Variants in PTPRR observed in about 807,000 individuals in gnomAD.
PTPRR encodes the protein protein tyrosine phosphatase receptor type R, also known as receptor-type tyrosine-protein phosphatase R.
A neutral mutation model predicts 77.2 loss-of-function variants in PTPRR; 38 were observed. That is an observed-to-expected ratio of 0.49 (90% CI 0.38 to 0.65). The LOEUF is 0.65. Ranked by LOEUF, PTPRR falls within the 30% of genes least tolerant of loss-of-function variation. The probability of loss-of-function intolerance (pLI) is 0.00; values close to 1 mark genes in which losing one functional copy is unlikely to be tolerated. For synonymous variants in PTPRR, 299 were observed against 283.1 expected, an observed-to-expected ratio of 1.06 and a Z score of -0.57; for missense variants, 744 against 799.2, an observed-to-expected ratio of 0.93 and a Z score of 0.83.
intron 1 of PTPRR, among the ~76,000 whole-genome samples, chr12:70,896,162 T>G (rs4760771): frequency 2.0e-5 from 3 of 151,310 alleles, no homozygotes; most frequent in Non-Finnish European, 3.0e-5. Flanking sequence ...GGACATATGA[T>G]GCAATGTACA....
chr12:70,776,516 A>G (rs1011142874), intron 2 of PTPRR, among the ~76,000 whole-genome samples: 1 of 152,088 alleles, frequency 6.6e-6, no homozygotes, highest in African/African-American at 2.4e-5. Context: ...GAATGATCTT[A>G]ACTCCTCCAT....
chr12:70,647,244 CTGTTT>C (rs2136646814), intron 13 of PTPRR, among the ~76,000 whole-genome samples: 1 of 152,276 alleles, frequency 6.6e-6, no homozygotes, highest in East Asian at 1.9e-4. Flanking sequence ...TTCCCAGGTT[CTGTTT>C]TAAAATTCTT....
At chr12:70,673,796 C>T (rs1382874018) in intron 10 of PTPRR, among the ~76,000 whole-genome samples, 4 of 152,114 alleles carry the variant, frequency 2.6e-5, no homozygotes, top group Non-Finnish European at 4.4e-5. Flanking sequence ...TGAAGTTGTT[C>T]ATAGTGTCCT....
chr12:70,661,077 A>G lies in PTPRR; in HGVS notation c.1629T>C (p.His543=), dbSNP rs769627241. 41 of 1,611,670 alleles carry G rather than the reference A, an allele frequency of 2.5e-5. No homozygotes were observed. Among genetic ancestry groups the G allele is most frequent in the Admixed American group, 1.8e-4 (11 of 59,806 alleles). ...ATGAGGTGTACCAGTAATGCTTCAC[A>G]TGTTGGGTGTGGCTTCCTTGCTGAA... ...LVLKQGSHTQ[H]VKHYWYTSWP... is the part of the protein sequence containing the mutation. The change falls in exon 12 of 14, where the codon CAT becomes CAC. Residue 543 remains histidine (H), a synonymous_variant. Coordinates refer to ENST00000283228, the MANE Select transcript of PTPRR (RefSeq NM_002849.4).
intron 13 of PTPRR, among the ~76,000 whole-genome samples, chr12:70,649,380 TAAG>T (rs1386264462): frequency 6.6e-6 from 1 of 152,188 alleles, no homozygotes; most frequent in Non-Finnish European, 1.5e-5. Flanking sequence ...GGGTAGATTA[TAAG>T]AATAAGATGC....
At chr12:70,764,594 G>A in intron 3 of PTPRR, 71 bp downstream of exon 3, 2 of 1,239,506 alleles carry the variant, frequency 1.6e-6, no homozygotes, top group Non-Finnish European at 2.4e-6. Context: ...ACTATAGCAT[G>A]AGCCCTTTAG....
At chr12:70,916,796 T>C (rs1376140495) in intron 1 of PTPRR, among the ~76,000 whole-genome samples, 1 of 152,214 alleles carries the variant, frequency 6.6e-6, no homozygotes, top group Non-Finnish European at 1.5e-5. Flanking sequence ...AAATTGACTA[T>C]GCACTTCTCT....
chr12:70,660,398 A>T (rs1886754653), intron 12 of PTPRR, among the ~76,000 whole-genome samples: 1 of 152,078 alleles, frequency 6.6e-6, no homozygotes, highest in Non-Finnish European at 1.5e-5. Flanking sequence ...TGGTAACAGC[A>T]CTTTGTTTTC....
intron 2 of PTPRR, among the ~76,000 whole-genome samples, chr12:70,803,373 C>G (rs1159077378): frequency 6.6e-6 from 1 of 152,180 alleles, no homozygotes; most frequent in Admixed American, 6.5e-5. Context: ...AAGAAGCACT[C>G]TTTGGGTTTG....
intron 2 of PTPRR, among the ~76,000 whole-genome samples, chr12:70,878,187 T>G (rs892567949): frequency 6.6e-6 from 1 of 152,174 alleles, no homozygotes; most frequent in East Asian, 1.9e-4. Flanking sequence ...GACATAGGCA[T>G]GAGCAAGGAC....
At chr12:70,792,334 A>G (rs1239156064) in intron 2 of PTPRR, among the ~76,000 whole-genome samples, 4 of 152,200 alleles carry the variant, frequency 2.6e-5, no homozygotes, top group African/African-American at 9.6e-5. Flanking sequence ...AATGACAACT[A>G]ATAAATGGCA....
intron 8 of PTPRR, among the ~76,000 whole-genome samples, chr12:70,697,595 T>A (rs1460715003): frequency 6.6e-6 from 1 of 152,190 alleles, no homozygotes. Context: ...TGCTGCTGTT[T>A]GTGCTTTTGT....
chr12:70,754,459 A>G, intron 4 of PTPRR, 158 bp from the exon 5 acceptor site: 1 of 1,563,962 alleles, frequency 6.4e-7, no homozygotes, highest in Non-Finnish European at 8.6e-7. Context: ...CTGATCTAAG[A>G]CAACAGACTG....
At chr12:70,825,124 A>G (rs949646951) in intron 2 of PTPRR, among the ~76,000 whole-genome samples, 4 of 152,008 alleles carry the variant, frequency 2.6e-5, no homozygotes, top group Admixed American at 6.6e-5. Flanking sequence ...CTGTACTAAA[A>G]ATACAAAAAT....
intron 10 of PTPRR, among the ~76,000 whole-genome samples, chr12:70,680,804 G>A (rs765852258): frequency 4.6e-5 from 7 of 152,140 alleles, no homozygotes; most frequent in East Asian, 3.8e-4. Context: ...TGGTATATGC[G>A]GACAGGTCTG....
intron 1 of PTPRR, among the ~76,000 whole-genome samples, chr12:70,895,312 A>G (rs1024282197): frequency 6.6e-6 from 1 of 151,804 alleles, no homozygotes; most frequent in Middle Eastern, 3.4e-3. Flanking sequence ...AATATCTTCA[A>G]TCTTTCTTTT....
At chr12:70,891,857 T>C (rs902910602) in intron 2 of PTPRR, among the ~76,000 whole-genome samples, 4 of 152,108 alleles carry the variant, frequency 2.6e-5, no homozygotes, top group Non-Finnish European at 5.9e-5. Flanking sequence ...TTCATTGAAT[T>C]ATCTTGGCCA....
chr12:70,658,915 T>TTTTTA (rs1886689458), intron 12 of PTPRR, among the ~76,000 whole-genome samples: 1 of 124,652 alleles, frequency 8.0e-6, no homozygotes, highest in Non-Finnish European at 1.6e-5. Flanking sequence ...TTTTTTTTTT[T>TTTTTA]ATAAGACAGA....
intron 7 of PTPRR, 28 bp from the exon 8 acceptor site, chr12:70,698,377 T>A (rs1472824373): frequency 1.3e-6 from 2 of 1,577,942 alleles, no homozygotes; most frequent in Non-Finnish European, 1.7e-6. Flanking sequence ...ATCAAATTAG[T>A]GTATCTAATA....
Sources: gnomAD v4.1 joint callset for allele counts (sites outside exome capture counted in the v4.1 genomes callset) on GRCh38, gnomAD v4.1.1 for gene constraint, MANE v1.5 for transcripts, NCBI Gene and HGNC (gene_info 2026-07-23, HGNC 2026-07-21) for gene names.